The following AHI1 variants were observed in gnomAD, a reference collection of about 807,000 sequenced individuals.
AHI1 encodes the protein Abelson helper integration site 1, also known as jouberin.
In AHI1, 123 loss-of-function variants were observed where a neutral mutation model predicts 149.3. The ratio of observed to expected loss-of-function variants is 0.82; its 90% CI spans 0.71 to 0.96. The LOEUF (loss-of-function observed/expected upper bound fraction) is 0.96. Among genes scored for constraint, AHI1 ranks in the 40% least tolerant of loss-of-function variants. AHI1 has a pLI of 0.00. For missense variants in AHI1, 1,439 were observed against 1,422.7 expected (o/e 1.01, Z -0.18); for synonymous variants, 475 against 459.8 (o/e 1.03, Z -0.42).
chr6:135,291,815 A>G (rs572005700), intron 27 of AHI1, among the ~76,000 whole-genome samples: 56 of 152,322 alleles, frequency 3.7e-4, no homozygotes, highest in African/African-American at 1.3e-3. Flanking sequence ...ATAGCACACA[A>G]TCTTAATCTT....
chr6:135,455,200 A>G (rs921548178), intron 10 of AHI1, among the ~76,000 whole-genome samples: 5 of 152,154 alleles, frequency 3.3e-5, no homozygotes, highest in Non-Finnish European at 7.4e-5. Context: ...AAAATTATAT[A>G]ATAACAACTA....
At chr6:135,393,937 A>G (rs1453907416) in intron 23 of AHI1, among the ~76,000 whole-genome samples, 1 of 152,056 alleles carries the variant, frequency 6.6e-6, no homozygotes, top group East Asian at 1.9e-4. Context: ...TCTCACTATA[A>G]CATGTAACCT....
intron 23 of AHI1, among the ~76,000 whole-genome samples, chr6:135,389,637 A>G (rs1469249704): frequency 6.6e-6 from 1 of 152,248 alleles, no homozygotes; most frequent in Non-Finnish European, 1.5e-5. Context: ...GATAATATGA[A>G]GAGTGCATGA....
chr6:135,345,385 G>A (rs72978246), intron 24 of AHI1, among the ~76,000 whole-genome samples: 3,919 of 152,260 alleles, frequency 0.026, 81 homozygotes, highest in Non-Finnish European at 0.041. Context: ...TGCTCACAGA[G>A]TAATATTCAT....
chr6:135,350,960 T>C (rs1792000505), intron 24 of AHI1, among the ~76,000 whole-genome samples: 1 of 152,040 alleles, frequency 6.6e-6, no homozygotes, highest in South Asian at 2.1e-4. Flanking sequence ...GACTTATAGA[T>C]CACTTTGGCT....
intron 26 of AHI1, among the ~76,000 whole-genome samples, chr6:135,315,635 AATCCAACTGTAGATT>A (rs1785832803): frequency 6.6e-6 from 1 of 152,140 alleles, no homozygotes; most frequent in African/African-American, 2.4e-5. Context: ...AAGAAGAAAA[AATCCAACTGTAGATT>A]TATGCCACCT....
Position 135,490,603 on chromosome 6 carries a change from C to G in AHI1, c.135+20G>C. ...TATGCGCATATGTAAATCACTATTA[C>G]CCAATGATCATTTACTTACTGAGAT... On this transcript the variant is annotated intron_variant, in intron 5 of 28. Coordinates refer to ENST00000265602, the MANE Select transcript of AHI1 (RefSeq NM_001134831.2). The G allele has an allele frequency of 6.2e-7, 1 of 1,613,268 alleles. No homozygotes were observed. The highest frequency in any genetic ancestry group is 8.5e-7 in the Non-Finnish European group (1 of 1,179,580).
chr6:135,325,436 C>T (rs967899024), intron 24 of AHI1, among the ~76,000 whole-genome samples: 1 of 152,332 alleles, frequency 6.6e-6, no homozygotes, highest in African/African-American at 2.4e-5. Flanking sequence ...CTGGTACTAT[C>T]ATAGGAGAGG....
chr6:135,387,211 C>T (rs945753331), intron 23 of AHI1, among the ~76,000 whole-genome samples: 2 of 152,124 alleles, frequency 1.3e-5, no homozygotes, highest in African/African-American at 4.8e-5. Flanking sequence ...AGAGGAAAAA[C>T]TACAGGTTGC....
chr6:135,315,413 A>G (rs1380704499), intron 26 of AHI1, among the ~76,000 whole-genome samples: 1 of 152,122 alleles, frequency 6.6e-6, no homozygotes, highest in African/African-American at 2.4e-5. Context: ...AACCTTGTAG[A>G]GGAGAACGTG....
intron 23 of AHI1, among the ~76,000 whole-genome samples, chr6:135,363,841 C>T (rs1204745020): frequency 3.8e-4 from 56 of 146,978 alleles, no homozygotes; most frequent in African/African-American, 1.1e-3. Flanking sequence ...TAGGCGCGGC[C>T]GGGCAGAGGC....
chr6:135,388,817 G>A (rs1450394178), intron 23 of AHI1, among the ~76,000 whole-genome samples: 1 of 150,436 alleles, frequency 6.6e-6, no homozygotes, highest in Non-Finnish European at 1.5e-5. Flanking sequence ...TTCAAGACCA[G>A]CCTGGTCAAC....
At chr6:135,315,583 C>T (rs1267881615) in intron 26 of AHI1, among the ~76,000 whole-genome samples, 1 of 152,118 alleles carries the variant, frequency 6.6e-6, no homozygotes, top group Non-Finnish European at 1.5e-5. Flanking sequence ...CCAAATCTGC[C>T]TTCTCTACTG....
chr6:135,421,787 G>A (rs934446554), intron 20 of AHI1, among the ~76,000 whole-genome samples: 1 of 152,100 alleles, frequency 6.6e-6, no homozygotes, highest in African/African-American at 2.4e-5. Context: ...TACCTATTAT[G>A]TGAATAATAT....
intron 22 of AHI1, among the ~76,000 whole-genome samples, chr6:135,401,948 A>T (rs1046198716): frequency 6.6e-6 from 1 of 152,166 alleles, no homozygotes; most frequent in Non-Finnish European, 1.5e-5. Context: ...AGACACTTGT[A>T]TCTAGAATAT....
At position 135,354,154 on chromosome 6, in the gene AHI1, A is replaced by T. The variant is rs541551023; in HGVS notation, c.3165+3978T>A. ...ATATACTGCCCAAAATCCATTTGCTAAAAGAAGCTTTGTTCTCTCTACCGG... is the reference window on the plus strand; with the variant it reads ...ATATACTGCCCAAAATCCATTTGCTTAAAGAAGCTTTGTTCTCTCTACCGG... On this transcript the variant is annotated intron_variant, in intron 24 of 28. Transcript: ENST00000265602. 3.3e-5 allele frequency among the ~76,000 whole-genome samples: 5 copies of T among 152,228 alleles called. No individual in the cohort carries two copies. In the South Asian group the frequency reaches 1.0e-3, roughly 32 times the overall value.
chr6:135,362,575 T>A (rs1794073368), intron 23 of AHI1, among the ~76,000 whole-genome samples: 2 of 152,196 alleles, frequency 1.3e-5, no homozygotes, highest in African/African-American at 4.8e-5. Flanking sequence ...TAAGGTGGCA[T>A]CACATTGCAG....
chr6:135,431,999 C>CT (rs199839132), intron 16 of AHI1, among the ~76,000 whole-genome samples: 15 of 132,830 alleles, frequency 1.1e-4, no homozygotes, highest in East Asian at 2.1e-4. Flanking sequence ...GACCAATTTC[C>CT]TTTTTTTTTT....
intron 27 of AHI1, chr6:135,297,445 C>T (rs1436402773): frequency 4.4e-6 from 2 of 456,128 alleles, no homozygotes; most frequent in Non-Finnish European, 8.8e-6. Context: ...TATCTAGAGG[C>T]CTTCTCTAGC....
Sources: gnomAD v4.1 joint callset for allele counts (sites outside exome capture counted in the v4.1 genomes callset) on GRCh38, gnomAD v4.1.1 for gene constraint, MANE v1.5 for transcripts, NCBI Gene and HGNC (gene_info 2026-07-23, HGNC 2026-07-21) for gene names.